Variants in PPP1R3B observed in about 807,000 individuals in gnomAD.
PPP1R3B encodes protein phosphatase 1 regulatory subunit 3B, also known as PP1 subunit R4.
PPP1R3B carries 8 observed loss-of-function variants against 14.6 expected under a neutral mutation model. The ratio of observed to expected loss-of-function variants is 0.55; its 90% confidence interval spans 0.32 to 0.99. The LOEUF is 0.99. Among genes scored for constraint, PPP1R3B ranks in the 50% least tolerant of loss-of-function variants. The pLI, the probability that PPP1R3B is intolerant of heterozygous loss-of-function variation, is 0.04. For missense variants in PPP1R3B, 452 were observed against 360.1 expected (o/e 1.26, Z -2.07); for synonymous variants, 169 against 142.0 (o/e 1.19, Z -1.35).
chr8:9,150,845 G>A (rs1225808622), upstream of PPP1R3B: 3 of 152,516 alleles, frequency 2.0e-5, no homozygotes, highest in Admixed American at 6.5e-5. Context: ...CGGGGATCGT[G>A]CTAGGTCCCG....
intron 1 of PPP1R3B, 83 bp downstream of exon 1, chr8:9,150,480 C>G (rs1801388495): frequency 6.5e-6 from 1 of 152,752 alleles, no homozygotes; most frequent in Non-Finnish European, 1.5e-5. Context: ...CTCTCCGACT[C>G]TGTCCCCTCC....
chr8:9,143,772 GT>G (rs934872300), intron 1 of PPP1R3B, among the ~76,000 whole-genome samples: 1 of 152,116 alleles, frequency 6.6e-6, no homozygotes, highest in African/African-American at 2.4e-5. Context: ...GTGAATATTT[GT>G]TTTTTCCACA....
intron 1 of PPP1R3B, among the ~76,000 whole-genome samples, chr8:9,149,935 G>T (rs1196692760): frequency 1.3e-5 from 2 of 152,240 alleles, no homozygotes; most frequent in Non-Finnish European, 2.9e-5. Flanking sequence ...ACCTTGCTTT[G>T]CTACTTGAGC....
chr8:9,146,518 C>T (rs752802302), intron 1 of PPP1R3B, among the ~76,000 whole-genome samples: 3 of 152,134 alleles, frequency 2.0e-5, no homozygotes, highest in South Asian at 2.1e-4. Context: ...GGTGAACGGA[C>T]GAACACATAT....
chr8:9,147,318 CG>C (rs1189029534), intron 1 of PPP1R3B, among the ~76,000 whole-genome samples: 1 of 151,964 alleles, frequency 6.6e-6, no homozygotes. Flanking sequence ...TAAACAAGTA[CG>C]AAAACCAAAC....
At chr8:9,147,392 A>C (rs1218738959) in intron 1 of PPP1R3B, among the ~76,000 whole-genome samples, 1 of 152,112 alleles carries the variant, frequency 6.6e-6, no homozygotes, top group Non-Finnish European at 1.5e-5. Context: ...TCTGGGTGTG[A>C]ACTGAGGGAG....
At chr8:9,149,335 C>T (rs1293727107) in intron 1 of PPP1R3B, among the ~76,000 whole-genome samples, 3 of 147,986 alleles carry the variant, frequency 2.0e-5, no homozygotes, top group African/African-American at 7.5e-5. Flanking sequence ...CCCGTCTCTA[C>T]TAAAAATACA....
Position 9,141,669 on chromosome 8 carries a change from C to G in PPP1R3B, c.-17-1G>C. On this transcript the variant is annotated splice_acceptor_variant, in intron 1 of 1. Coordinates refer to ENST00000310455, the MANE Select transcript of PPP1R3B (RefSeq NM_024607.4). LOFTEE classifies it low-confidence loss of function (5UTR_SPLICE). ...GCCATCATGGGGCTAGATGAACAGG[C>G]TAGAACCGTGGAAAGGGAAGAGAAG... 2.5e-6 allele frequency: 4 copies of G among 1,603,344 alleles called. No individual in the cohort carries two copies. Among genetic ancestry groups the G allele is most frequent in the Admixed American group, 1.7e-5 (1 of 59,348 alleles).
rs1293460254 is a variant in PPP1R3B at position 9,139,000 on chromosome 8, C to A, written c.*1794G>T. 1 of 152,226 alleles carries A rather than the reference C, an allele frequency of 6.6e-6. No homozygotes were observed. 9.4% of individuals were successfully genotyped at this position (152,226 alleles called of 1,614,324 possible). On this transcript the variant is annotated 3_prime_UTR_variant, in exon 2 of 2. Transcript: ENST00000310455. ...GTGACGTGATCTCGGCTCACTGCAA[C>A]CTCCACCTCCTGGGTTCAAGTGATT...
intron 1 of PPP1R3B, among the ~76,000 whole-genome samples, chr8:9,150,004 T>C (rs1186665422): frequency 2.6e-5 from 4 of 152,216 alleles, no homozygotes; most frequent in African/African-American, 9.6e-5. Flanking sequence ...GGCCCTGACA[T>C]TGTATGTTGC....
In PPP1R3B at chr8:9,148,888, G is replaced by A. The variant is rs796267041; in HGVS notation, c.-18+1675C>T. ...CTTATTCTCTCTCTCTCTTTCTTCTGGTAAGAAAAGACAAAAAGGCCGGGC... is the reference window on the plus strand; with the variant it reads ...CTTATTCTCTCTCTCTCTTTCTTCTAGTAAGAAAAGACAAAAAGGCCGGGC... On this transcript the variant is annotated intron_variant, in intron 1 of 1. Coordinates refer to ENST00000310455, the MANE Select transcript of PPP1R3B (RefSeq NM_024607.4). Among the ~76,000 whole-genome samples, 2 of 152,180 alleles carry A rather than the reference G, an allele frequency of 1.3e-5. 1 individual carries two copies. Among genetic ancestry groups the A allele is most frequent in the African/African-American group, 4.8e-5 (2 of 41,510 alleles).
intron 1 of PPP1R3B, among the ~76,000 whole-genome samples, chr8:9,146,176 T>C (rs1449066920): frequency 1.3e-5 from 2 of 152,224 alleles, no homozygotes; most frequent in Non-Finnish European, 2.9e-5. Flanking sequence ...CAAATTTATA[T>C]TTTGATTTGA....
At chr8:9,144,814 C>T (rs1188120357) in intron 1 of PPP1R3B, among the ~76,000 whole-genome samples, 2 of 152,156 alleles carry the variant, frequency 1.3e-5, no homozygotes, top group Non-Finnish European at 2.9e-5. Context: ...GGCACAATCT[C>T]GGTTCACTGC....
rs1341995274 is a variant in PPP1R3B at position 9,140,647 on chromosome 8, A to C, written c.*147T>G. ...ACCTGGCTGGATTTGCTGTTTAAGA[A>C]AGAAGTGAAGAGGATCCTTTTATTT... is the stretch of plus-strand genomic sequence containing the variant. On this transcript the variant is annotated 3_prime_UTR_variant, in exon 2 of 2. Coordinates refer to ENST00000310455, the MANE Select transcript of PPP1R3B (RefSeq NM_024607.4). 13 of 793,516 alleles carry C rather than the reference A, an allele frequency of 1.6e-5. No individual in the cohort carries two copies. The highest frequency in any genetic ancestry group is 1.3e-4 in the South Asian group (7 of 54,088). 49.2% of individuals were successfully genotyped at this position (793,516 alleles called of 1,614,324 possible). A position where few individuals can be genotyped will look rare whatever the true frequency, so the allele number is the denominator to read the frequency against.
chr8:9,142,561 A>T (rs1014115984), intron 1 of PPP1R3B, among the ~76,000 whole-genome samples: 19 of 152,300 alleles, frequency 1.2e-4, no homozygotes, highest in African/African-American at 4.6e-4. Flanking sequence ...TCAAATATAT[A>T]ACATATCATT....
chr8:9,150,219 C>T (rs959685853), intron 1 of PPP1R3B, among the ~76,000 whole-genome samples: 36 of 152,280 alleles, frequency 2.4e-4, no homozygotes, highest in African/African-American at 8.2e-4. Context: ...GTCTCCCAGG[C>T]AGGCCCCCGC....
At position 9,140,413 on chromosome 8, in the gene PPP1R3B, G is replaced by A. The variant is rs1224204574; in HGVS notation, c.*381C>T. The A allele has an allele frequency of 4.0e-6, 1 of 251,102 alleles. No homozygotes were observed. The highest frequency in any genetic ancestry group is 7.6e-6 in the Non-Finnish European group (1 of 130,730). 15.6% of individuals were successfully genotyped at this position (251,102 alleles called of 1,614,324 possible). On this transcript the variant is annotated 3_prime_UTR_variant, in exon 2 of 2. Coordinates refer to ENST00000310455, the MANE Select transcript of PPP1R3B (RefSeq NM_024607.4). ...AGTGAGGGTCTCACGCGAGGTGGCT[G>A]GGGCTGAGTGGCTTTTGGCGACTGA... is the stretch of plus-strand genomic sequence containing the variant.
In PPP1R3B at chr8:9,139,766, G is replaced by A. The variant is rs1801007837; in HGVS notation, c.*1028C>T. On this transcript the variant is annotated 3_prime_UTR_variant, in exon 2 of 2. Coordinates refer to ENST00000310455, the MANE Select transcript of PPP1R3B (RefSeq NM_024607.4). Reference sequence around the variant, plus strand: ...GGGTTTCACCGTGTTAGCCAGGATGGTCTCGATCTCCTGACCTCGTGATCC... The same window carrying A: ...GGGTTTCACCGTGTTAGCCAGGATGATCTCGATCTCCTGACCTCGTGATCC... The A allele has an allele frequency of 6.6e-6, 1 of 152,062 alleles. No individual in the cohort carries two copies. The highest frequency in any genetic ancestry group is 1.5e-5 in the Non-Finnish European group (1 of 68,030). 9.4% of individuals were successfully genotyped at this position (152,062 alleles called of 1,614,324 possible).
Position 9,137,435 on chromosome 8 carries a change from C to G in PPP1R3B, c.*3359G>C, listed in dbSNP as rs1306435314. The stretch of plus-strand genomic sequence containing the variant: ...CTCGGGGGCCACTTGTAACCATAAC[C>G]AAGAGCTGTCTGAAGGCAAATCTAC... On this transcript the variant is annotated 3_prime_UTR_variant, in exon 2 of 2. Coordinates refer to ENST00000310455, the MANE Select transcript of PPP1R3B (RefSeq NM_024607.4). The G allele has an allele frequency of 6.6e-6, 1 of 152,162 alleles. No homozygotes were observed. Among genetic ancestry groups the G allele is most frequent in the African/African-American group, 2.4e-5 (1 of 41,424 alleles). The allele number at this position is 152,162 out of a possible 1,614,324, so 9.4% of individuals were successfully genotyped here. A position where few individuals can be genotyped will look rare whatever the true frequency, so the allele number is the denominator to read the frequency against.
Sources: gnomAD v4.1 joint callset for allele counts (sites outside exome capture counted in the v4.1 genomes callset) on GRCh38, gnomAD v4.1.1 for gene constraint, MANE v1.5 for transcripts, NCBI Gene and HGNC (gene_info 2026-07-23, HGNC 2026-07-21) for gene names.